Variants in BDH1 observed in about 807,000 individuals in gnomAD.
The protein encoded by BDH1 is D-beta-hydroxybutyrate dehydrogenase, mitochondrial.
A neutral mutation model predicts 33.1 loss-of-function variants in BDH1; 30 were observed. The ratio of observed to expected loss-of-function variants is 0.91; its 90% CI spans 0.68 to 1.23. The LOEUF is 1.23. Ranked by LOEUF, BDH1 falls within the 50% of genes most tolerant of loss-of-function variation. The pLI, the probability that BDH1 is intolerant of heterozygous loss-of-function variation, is 0.00. For synonymous variants in BDH1, 190 were observed against 183.6 expected (o/e 1.03, Z -0.28); for missense variants, 443 against 464.4 (o/e 0.95, Z 0.42).
chr3:197,520,389 C>T lies in BDH1; in HGVS notation c.409+2251G>A, dbSNP rs568063526. 3.3e-5 allele frequency among the ~76,000 whole-genome samples: 5 copies of T among 152,276 alleles called. No homozygotes were observed. The South Asian group carries it at 6.2e-4, about 19-fold the overall frequency. ...GGGAAAAGCAGCAGGGAAAGGTCTG[C>T]GCGTCAGGCTGGTGCTGGGGTTGGA... On this transcript the variant is annotated intron_variant, in intron 6 of 7. Transcript: ENST00000392379. This position sits in a 1 kb window ranked among gnomAD's most constrained non-coding sequence, Gnocchi z 6.0.
upstream of BDH1, among the ~76,000 whole-genome samples, chr3:197,558,054 C>A (rs927696961): frequency 1.3e-5 from 2 of 152,210 alleles, no homozygotes; most frequent in Non-Finnish European, 2.9e-5. Flanking sequence ...AACATAGATC[C>A]TGACTCTGAG....
At chr3:197,545,342 G>T (rs1161884348) in intron 3 of BDH1, among the ~76,000 whole-genome samples, 2 of 152,178 alleles carry the variant, frequency 1.3e-5, no homozygotes, top group East Asian at 3.8e-4. Flanking sequence ...TGCGGTGAAG[G>T]TTTGGGACAT....
chr3:197,532,244 T>C (rs1354833831), intron 5 of BDH1, among the ~76,000 whole-genome samples, 168 bp downstream of exon 5: 2 of 152,196 alleles, frequency 1.3e-5, no homozygotes, highest in Non-Finnish European at 2.9e-5. Context: ...GATGCATGGA[T>C]GATGGATGGA....
intron 6 of BDH1, chr3:197,515,680 C>A (rs1712629195): frequency 2.0e-6 from 2 of 985,386 alleles, no homozygotes; most frequent in African/African-American, 1.8e-5. Context: ...TCCCGAAGAT[C>A]CTTCTGTAAC....
intron 7 of BDH1, among the ~76,000 whole-genome samples, chr3:197,512,634 C>G (rs1197385091): frequency 2.4e-4 from 36 of 152,208 alleles, no homozygotes; most frequent in Admixed American, 2.4e-3. Flanking sequence ...GCAACTGACT[C>G]AAAAACCAGA....
intron 1 of BDH1, among the ~76,000 whole-genome samples, chr3:197,564,788 A>G (rs1013443564): frequency 2.0e-5 from 3 of 152,214 alleles, no homozygotes; most frequent in African/African-American, 7.2e-5. Context: ...ATATTAACCA[A>G]CTCCTAAGTA....
At chr3:197,553,090 G>C (rs538286050) in intron 2 of BDH1, among the ~76,000 whole-genome samples, 11 of 151,950 alleles carry the variant, frequency 7.2e-5, no homozygotes, top group African/African-American at 2.7e-4. Context: ...GCTAATTTTT[G>C]TATTTTTAGT....
chr3:197,518,149 G>A (rs1713022020), intron 6 of BDH1, among the ~76,000 whole-genome samples: 1 of 13,828 alleles, frequency 7.2e-5, no homozygotes, highest in Admixed American at 9.7e-4. Context: ...CCCTCAGGCC[G>A]ACCGCCCCCC....
rs1207092010 is a variant in BDH1, at chr3:197,537,272, A to C, written c.84-3711T>G. Among the ~76,000 whole-genome samples, 8 of 152,350 alleles carry C rather than the reference A, an allele frequency of 5.3e-5. No homozygotes were observed. In the East Asian group the frequency reaches 1.5e-3, roughly 29 times the overall value. ...CCAAAGTGCTGGGATTACAGGCATG[A>C]ACTACCACATCCGGTCGAAACTGTA... On this transcript the variant is annotated intron_variant, in intron 3 of 7. Transcript: ENST00000392379.
intron 5 of BDH1, chr3:197,529,045 G>T (rs1560317974): frequency 6.6e-6 from 1 of 152,162 alleles, no homozygotes. Context: ...GCTGAGGTAG[G>T]TCCACATTCT....
In BDH1 at chr3:197,516,034, C is replaced by G. The variant is rs998540241; in HGVS notation, c.410-1618G>C. Among the ~76,000 whole-genome samples, 2 of 152,204 alleles carry G rather than the reference C, an allele frequency of 1.3e-5. No individual in the cohort carries two copies. The highest frequency in any genetic ancestry group is 2.9e-5 in the Non-Finnish European group (2 of 68,028). On this transcript the variant is annotated intron_variant, in intron 6 of 7. Coordinates refer to ENST00000392379, the MANE Select transcript of BDH1 (RefSeq NM_203314.3). The surrounding 1 kb of genome is among the most constrained non-coding windows in gnomAD (Gnocchi z 4.2). ...CAGGGTGGTACACCAAGGACCTCACCCCCAGTCTTCACTCTCCTCAGGCTC... is the reference window on the plus strand; with the variant it reads ...CAGGGTGGTACACCAAGGACCTCACGCCCAGTCTTCACTCTCCTCAGGCTC...
At chr3:197,515,667 A>T (rs1006442949) in intron 6 of BDH1, 15 of 985,614 alleles carry the variant, frequency 1.5e-5, no homozygotes, top group Non-Finnish European at 1.8e-5. Context: ...CCGCATTTCC[A>T]TATCCCGAAG....
chr3:197,546,069 G>A (rs1052565000), intron 3 of BDH1: 39 of 230,398 alleles, frequency 1.7e-4, no homozygotes, highest in Middle Eastern at 1.5e-3. Flanking sequence ...CCCAGGAGGC[G>A]GAGGTGGCAG....
At chr3:197,542,764 C>T (rs1715761310) in intron 3 of BDH1, among the ~76,000 whole-genome samples, 2 of 151,952 alleles carry the variant, frequency 1.3e-5, no homozygotes, top group Non-Finnish European at 2.9e-5. Context: ...TCAGGTGATC[C>T]GCCCGCCTCA....
intron 1 of BDH1, among the ~76,000 whole-genome samples, chr3:197,564,390 TA>T (rs898471159): frequency 4.0e-5 from 6 of 149,848 alleles, no homozygotes; most frequent in African/African-American, 1.5e-4. Flanking sequence ...AAACTGAGAT[TA>T]AATTTTTTTT....
intron 3 of BDH1, among the ~76,000 whole-genome samples, chr3:197,540,092 C>T (rs1381019197): frequency 2.0e-5 from 3 of 152,060 alleles, no homozygotes; most frequent in Admixed American, 1.3e-4. Context: ...TCTCTTTCAC[C>T]CAGACTGGAG....
rs1209888546 is a variant in BDH1 at position 197,523,653 on chromosome 3, C to T, written c.268-872G>A. On this transcript the variant is annotated intron_variant, in intron 5 of 7. Transcript: ENST00000392379. The surrounding 1 kb of genome is among the most constrained non-coding windows in gnomAD (Gnocchi z 4.5). ...GGAGGTCAAGATCAATCATTCAGCC[C>T]CTGTTCCCAGAGTCGTGTTCTAGGG... 6.6e-6 allele frequency among the ~76,000 whole-genome samples: 1 copy of T among 152,146 alleles called. No individual in the cohort carries two copies. The highest frequency in any genetic ancestry group is 1.9e-4 in the East Asian group (1 of 5,198).
At chr3:197,572,191 C>A (rs1016455921) in intron 1 of BDH1, among the ~76,000 whole-genome samples, 9 of 152,118 alleles carry the variant, frequency 5.9e-5, no homozygotes, top group Non-Finnish European at 8.8e-5. Context: ...CTCCCCAGAC[C>A]TTCACAAACA....
chr3:197,536,661 T>A (rs569254863), intron 3 of BDH1, among the ~76,000 whole-genome samples: 7 of 152,072 alleles, frequency 4.6e-5, no homozygotes, highest in African/African-American at 1.7e-4. Context: ...GCCGACATGG[T>A]GAAACCCTGA....
Sources: gnomAD v4.1 joint callset for allele counts (sites outside exome capture counted in the v4.1 genomes callset) on GRCh38, gnomAD v4.1.1 for gene constraint, Gnocchi (gnomAD v3.1) non-coding constraint, MANE v1.5 for transcripts, NCBI Gene and HGNC (gene_info 2026-07-23, HGNC 2026-07-21) for gene names.